Variants in TNFSF18 observed in about 807,000 individuals in gnomAD.
The protein encoded by TNFSF18 is tumor necrosis factor ligand superfamily member 18.
A neutral mutation model predicts 9.6 loss-of-function variants in TNFSF18; 6 were observed. That is an observed-to-expected ratio of 0.63 (90% CI 0.34 to 1.24). The LOEUF (loss-of-function observed/expected upper bound fraction) is 1.24, where lower values mean the gene tolerates loss of function less well. Ranked by LOEUF, TNFSF18 falls within the 50% of genes most tolerant of loss-of-function variation. The pLI is 0.03. For synonymous variants in TNFSF18, 68 were observed against 71.7 expected (o/e 0.95, Z 0.26); for missense variants, 210 against 201.0 (o/e 1.04, Z -0.27).
In TNFSF18 at chr1:173,040,358, TAACA is replaced by T. The variant is rs970237562; in HGVS notation, c.*1005_*1008del. The T allele has an allele frequency of 1.4e-4, 22 of 152,252 alleles. No individual in the cohort carries two copies. Among genetic ancestry groups the T allele is most frequent in the African/African-American group, 5.1e-4 (21 of 41,554 alleles). The allele number at this position is 152,252 out of a possible 1,614,324, so 9.4% of individuals were successfully genotyped here. ...GAGTCTTATAACACGATAGCAGAAA[TAACA>T]ATTCTAAAGCTGAGACAGTGCAATG... On this transcript the variant is annotated 3_prime_UTR_variant, in exon 3 of 3. Transcript: ENST00000404377.
At chr1:173,045,507 G>C (rs1371315608) in intron 1 of TNFSF18, among the ~76,000 whole-genome samples, 1 of 152,102 alleles carries the variant, frequency 6.6e-6, no homozygotes, top group Non-Finnish European at 1.5e-5. Context: ...TATGTGAAGA[G>C]GGCAGAAGCT....
intron 1 of TNFSF18, 136 bp from the exon 2 acceptor site, chr1:173,044,105 A>G (rs1054409545): frequency 3.7e-6 from 3 of 812,614 alleles, no homozygotes; most frequent in African/African-American, 1.7e-5. Context: ...TCCCTTCACC[A>G]TGTCTCAGCC....
At chr1:173,047,276 C>A (rs1022602182) in intron 1 of TNFSF18, among the ~76,000 whole-genome samples, 2 of 152,070 alleles carry the variant, frequency 1.3e-5, no homozygotes, top group Non-Finnish European at 2.9e-5. Context: ...ATGATAGGGA[C>A]GTGACAAAGA....
chr1:173,044,255 A>AC (rs34959339), intron 1 of TNFSF18, among the ~76,000 whole-genome samples: 50,831 of 140,882 alleles, frequency 0.36, 8,762 homozygotes, highest in African/African-American at 0.45. Context: ...TTGATATCGG[A>AC]CCCCCCCCCC....
chr1:173,041,157 T>C lies in TNFSF18; in HGVS notation c.*210A>G. 1 of 451,656 alleles carries C rather than the reference T, an allele frequency of 2.2e-6. No individual in the cohort carries two copies. The highest frequency in any genetic ancestry group is 3.9e-6 in the Non-Finnish European group (1 of 257,040). 28.0% of individuals were successfully genotyped at this position (451,656 alleles called of 1,614,324 possible). ...TTTGTTTTATCATGGATTAATGAAG[T>C]ATCTCTGCAGATCCAACCAAAAGTC... is the stretch of plus-strand genomic sequence containing the variant. On this transcript the variant is annotated 3_prime_UTR_variant, in exon 3 of 3. Transcript: ENST00000404377.
At position 173,040,597 on chromosome 1, in the gene TNFSF18, A is replaced by G. The variant is rs1664973599; in HGVS notation, c.*770T>C. On this transcript the variant is annotated 3_prime_UTR_variant, in exon 3 of 3. Coordinates refer to ENST00000404377, the MANE Select transcript of TNFSF18 (RefSeq NM_005092.4). Reference sequence around the variant, plus strand: ...AAATCATTACATGACATAATCCAGTAATGATAATACCATTCTGGGGTTAAA... The same window carrying G: ...AAATCATTACATGACATAATCCAGTGATGATAATACCATTCTGGGGTTAAA... 1 of 152,180 alleles carries G rather than the reference A, an allele frequency of 6.6e-6. No individual in the cohort carries two copies. Among genetic ancestry groups the G allele is most frequent in the African/African-American group, 2.4e-5 (1 of 41,456 alleles). 9.4% of individuals were successfully genotyped at this position (152,180 alleles called of 1,614,324 possible). A position where few individuals can be genotyped will look rare whatever the true frequency, so the allele number is the denominator to read the frequency against.
intron 1 of TNFSF18, among the ~76,000 whole-genome samples, chr1:173,049,848 A>T (rs1266764363): frequency 6.6e-6 from 1 of 152,180 alleles, no homozygotes; most frequent in Non-Finnish European, 1.5e-5. Context: ...GATCAGTGCT[A>T]CGTAGTTAAC....
At chr1:173,050,641 A>T in intron 1 of TNFSF18, 100 bp downstream of exon 1, 1 of 779,814 alleles carries the variant, frequency 1.3e-6, no homozygotes, top group Non-Finnish European at 2.1e-6. Flanking sequence ...CTTCCTTCCA[A>T]CTATTGCTAA....
At chr1:173,046,859 G>T (rs997410674) in intron 1 of TNFSF18, among the ~76,000 whole-genome samples, 1 of 148,248 alleles carries the variant, frequency 6.7e-6, no homozygotes, top group Non-Finnish European at 1.5e-5. Context: ...TAAATTTTTT[G>T]ATTCCCTACA....
chr1:173,050,937 GT>G lies in TNFSF18; in HGVS notation c.-42del. The G allele has an allele frequency of 6.2e-7, 1 of 1,613,624 alleles. No individual in the cohort carries two copies. The highest frequency in any genetic ancestry group is 8.5e-7 in the Non-Finnish European group (1 of 1,179,724). Reference sequence around the variant, plus strand: ...AGCTGTGGAAAACAAAAATTCACAAGTGATGGGTGAAGGATGCAATGTCATG... The same window carrying G: ...AGCTGTGGAAAACAAAAATTCACAAGGATGGGTGAAGGATGCAATGTCATG... On this transcript the variant is annotated 5_prime_UTR_variant, in exon 1 of 3. Coordinates refer to ENST00000404377, the MANE Select transcript of TNFSF18 (RefSeq NM_005092.4).
chr1:173,050,293 C>T (rs1665148756), intron 1 of TNFSF18, among the ~76,000 whole-genome samples: 1 of 152,116 alleles, frequency 6.6e-6, no homozygotes, highest in Admixed American at 6.5e-5. Flanking sequence ...AGGGCCACTT[C>T]CCTCCTCAAA....
chr1:173,042,025 A>G (rs1412511138), intron 2 of TNFSF18, among the ~76,000 whole-genome samples: 1 of 152,190 alleles, frequency 6.6e-6, no homozygotes, highest in Admixed American at 6.6e-5. Flanking sequence ...AGGAGAAGAA[A>G]AGACTAATGG....
chr1:173,043,775 G>A (rs1665029470), intron 2 of TNFSF18, among the ~76,000 whole-genome samples, 164 bp downstream of exon 2: 1 of 152,186 alleles, frequency 6.6e-6, no homozygotes, highest in Non-Finnish European at 1.5e-5. Context: ...GTTTACCTCT[G>A]AAAGCCTCAG....
intron 1 of TNFSF18, among the ~76,000 whole-genome samples, chr1:173,050,496 T>C (rs996749748): frequency 3.9e-5 from 6 of 152,134 alleles, no homozygotes; most frequent in Non-Finnish European, 5.9e-5. Flanking sequence ...GCTTAACCAG[T>C]TCTCTCTATC....
intron 1 of TNFSF18, among the ~76,000 whole-genome samples, chr1:173,044,292 C>A (rs545496609): frequency 6.6e-6 from 1 of 150,586 alleles, no homozygotes; most frequent in East Asian, 2.0e-4. Flanking sequence ...AGTTTTTCAA[C>A]AAAATAGCAG....
intron 1 of TNFSF18, among the ~76,000 whole-genome samples, chr1:173,046,332 A>G (rs1234938932): frequency 6.6e-6 from 1 of 152,146 alleles, no homozygotes; most frequent in Non-Finnish European, 1.5e-5. Flanking sequence ...GGAAGGAAGG[A>G]AAGAGAGGCA....
intron 1 of TNFSF18, among the ~76,000 whole-genome samples, chr1:173,049,579 T>G (rs1046536151): frequency 1.3e-5 from 2 of 152,182 alleles, no homozygotes; most frequent in African/African-American, 4.8e-5. Context: ...AAGCTATACC[T>G]ACTCTAAATT....
At chr1:173,044,070 G>T (rs1571471919) in intron 1 of TNFSF18, 101 bp from the exon 2 acceptor site, 2 of 1,087,554 alleles carry the variant, frequency 1.8e-6, no homozygotes, top group Non-Finnish European at 2.8e-6. Flanking sequence ...GCAAACTAGT[G>T]TTCTATAACC....
Position 173,041,226 on chromosome 1 carries a change from G to T in TNFSF18, c.*141C>A. On this transcript the variant is annotated 3_prime_UTR_variant, in exon 3 of 3. Transcript: ENST00000404377. ...TCTCTTTCAGATAGGCATGATAGAT[G>T]AAAATTCACGTGCAGAGGAGTTCTG... The T allele has an allele frequency of 1.4e-6, 1 of 694,516 alleles. No homozygotes were observed. Among genetic ancestry groups the T allele is most frequent in the Non-Finnish European group, 2.3e-6 (1 of 429,376 alleles). 43.0% of individuals were successfully genotyped at this position (694,516 alleles called of 1,614,324 possible). A position where few individuals can be genotyped will look rare whatever the true frequency, so the allele number is the denominator to read the frequency against.
Sources: allele counts gnomAD v4.1 joint callset (sites outside exome capture counted in the v4.1 genomes callset), GRCh38; gene constraint gnomAD v4.1.1; transcripts MANE v1.5; gene names NCBI Gene and HGNC (gene_info 2026-07-23, HGNC 2026-07-21).